The following TSPAN14 variants were observed in gnomAD, a reference collection of about 807,000 sequenced individuals.
TSPAN14 encodes the protein tetraspanin-14.
Under a neutral mutation model 36.6 loss-of-function variants are expected in TSPAN14, and 16 were observed. The ratio of observed to expected loss-of-function variants is 0.44; its 90% CI spans 0.30 to 0.66. The LOEUF (loss-of-function observed/expected upper bound fraction) is 0.66, where lower values mean the gene tolerates loss of function less well. Among genes scored for constraint, TSPAN14 ranks in the 30% least tolerant of loss-of-function variants. TSPAN14 has a pLI of 0.12. For missense variants in TSPAN14, 231 were observed against 355.1 expected (o/e 0.65, Z 2.81); for synonymous variants, 139 against 143.8 (o/e 0.97, Z 0.24).
At position 80,512,277 on chromosome 10, in the gene TSPAN14, G is replaced by C. The variant is rs747170175; in HGVS notation, c.576+8G>C. ...TGCGTGCCAGATCCTGCGGTGAGTT[G>C]GCTTGTGCTGGGGCACAGGGAGCCC... On this transcript the variant is annotated splice_region_variant and intron_variant, in intron 6 of 8. Transcript: ENST00000429989. 5 of 1,613,438 alleles carry C rather than the reference G, an allele frequency of 3.1e-6. No individual in the cohort carries two copies. The South Asian group carries it at 4.4e-5, about 14-fold the overall frequency.
At position 80,516,063 on chromosome 10, in the gene TSPAN14, C is replaced by G; in HGVS notation, c.622-141C>G. ...GGCTGAGAGGAGCTGACGAGCATCT[C>G]CTGGAGAGTCCTCCTTGCCTGCCTC... On this transcript the variant is annotated intron_variant, in intron 7 of 8. Coordinates refer to ENST00000429989, the Ensembl canonical transcript of TSPAN14. 4 of 1,305,106 alleles carry G rather than the reference C, an allele frequency of 3.1e-6. No homozygotes were observed. The Admixed American group carries it at 8.0e-5, about 26-fold the overall frequency. 80.8% of individuals were successfully genotyped at this position (1,305,106 alleles called of 1,614,324 possible).
intron 4 of TSPAN14, among the ~76,000 whole-genome samples, chr10:80,508,424 A>C (rs1045891399): frequency 1.3e-5 from 2 of 152,012 alleles, no homozygotes; most frequent in Admixed American, 6.5e-5. Flanking sequence ...GGCCGTGTGT[A>C]TGCTTTTTCT....
intron 2 of TSPAN14, among the ~76,000 whole-genome samples, chr10:80,493,750 G>A (rs1432324064): frequency 1.3e-5 from 2 of 152,220 alleles, no homozygotes; most frequent in Non-Finnish European, 1.5e-5. Context: ...CCCGGGAAGG[G>A]AAGATTGGGG....
At chr10:80,483,031 A>T (rs1210403100) in intron 1 of TSPAN14, among the ~76,000 whole-genome samples, 1 of 149,732 alleles carries the variant, frequency 6.7e-6, no homozygotes, top group Non-Finnish European at 1.5e-5. Context: ...CACTTTGCCC[A>T]GCCAGCCAGT....
At chr10:80,478,904 A>G (rs995692999) in intron 1 of TSPAN14, among the ~76,000 whole-genome samples, 16 of 152,134 alleles carry the variant, frequency 1.1e-4, no homozygotes, top group African/African-American at 3.4e-4. Context: ...TTACAGTCCC[A>G]CCAACAGTGT....
At chr10:80,513,945 T>A (rs1840792036) in intron 6 of TSPAN14, 74 bp from the exon 7 acceptor site, 2 of 1,325,776 alleles carry the variant, frequency 1.5e-6, no homozygotes, top group Non-Finnish European at 2.2e-6. Flanking sequence ...TGTTTGGTTG[T>A]GACTTTACTA....
exon 9 of TSPAN14, chr10:80,519,820 T>G (rs1841161115): frequency 6.6e-6 from 1 of 151,680 alleles, no homozygotes; most frequent in Non-Finnish European, 1.5e-5. Flanking sequence ...TTTTTTAAGA[T>G]TCTGTATGGC....
intron 1 of TSPAN14, among the ~76,000 whole-genome samples, chr10:80,471,200 C>T (rs534421579): frequency 2.6e-5 from 4 of 152,184 alleles, no homozygotes; most frequent in African/African-American, 7.2e-5. Context: ...GCCTCATTCT[C>T]GGTGTCTTAC....
intron 1 of TSPAN14, among the ~76,000 whole-genome samples, chr10:80,469,361 C>T (rs529833418): frequency 6.6e-6 from 1 of 152,214 alleles, no homozygotes; most frequent in Non-Finnish European, 1.5e-5. Flanking sequence ...AATAAATAGT[C>T]CAGAAGAGGG....
intron 1 of TSPAN14, among the ~76,000 whole-genome samples, chr10:80,486,531 C>T (rs538533972): frequency 3.0e-4 from 46 of 152,282 alleles, no homozygotes; most frequent in Non-Finnish European, 4.3e-4. Context: ...TTACTGCTTC[C>T]GGAGAGTTCT....
intron 1 of TSPAN14, among the ~76,000 whole-genome samples, chr10:80,464,570 C>A (rs1407235196): frequency 6.6e-6 from 1 of 152,168 alleles, no homozygotes; most frequent in Non-Finnish European, 1.5e-5. Flanking sequence ...CCTAAATAGA[C>A]CCTGACCTGG....
exon 9 of TSPAN14, chr10:80,521,744 A>G (rs1258291235): frequency 6.6e-6 from 1 of 152,128 alleles, no homozygotes; most frequent in African/African-American, 2.4e-5. Context: ...TAATACGGTG[A>G]AACCCCTTCT....
intron 2 of TSPAN14, among the ~76,000 whole-genome samples, chr10:80,492,447 A>G (rs1293890887): frequency 6.6e-6 from 1 of 152,194 alleles, no homozygotes; most frequent in African/African-American, 2.4e-5. Flanking sequence ...GCAGAAGGCA[A>G]CTTGTTGCTT....
chr10:80,465,720 C>G (rs996296454), intron 1 of TSPAN14, among the ~76,000 whole-genome samples: 14 of 152,248 alleles, frequency 9.2e-5, no homozygotes, highest in African/African-American at 3.4e-4. Context: ...GAAAAAGCCA[C>G]TCTCAGGCAC....
At chr10:80,460,716 G>A (rs1233164768) in intron 1 of TSPAN14, among the ~76,000 whole-genome samples, 1 of 152,074 alleles carries the variant, frequency 6.6e-6, no homozygotes. Flanking sequence ...CTTGCTCTTG[G>A]CCTGCTGGAT....
chr10:80,512,310 C>A (rs773550053), intron 6 of TSPAN14, 41 bp downstream of exon 6: 23 of 1,609,666 alleles, frequency 1.4e-5, no homozygotes, highest in Non-Finnish European at 1.8e-5. Flanking sequence ...CCCGCCCTTC[C>A]TGAAGCCCAG....
At chr10:80,489,449 A>C (rs777496846) in intron 2 of TSPAN14, 135 bp downstream of exon 2, 3 of 685,082 alleles carry the variant, frequency 4.4e-6, no homozygotes, top group Non-Finnish European at 7.7e-6. Context: ...AGTGACCCCT[A>C]CCCTCACAGA....
At chr10:80,507,482 T>TAGGGGAGG in intron 4 of TSPAN14, 108 bp downstream of exon 4, 2 of 1,481,744 alleles carry the variant, frequency 1.3e-6, no homozygotes, top group Non-Finnish European at 1.8e-6. Flanking sequence ...CTTAGGAGCC[T>TAGGGGAGG]CCCCTAGGCC....
At chr10:80,461,464 G>T (rs1845962769) in intron 1 of TSPAN14, among the ~76,000 whole-genome samples, 1 of 152,132 alleles carries the variant, frequency 6.6e-6, no homozygotes, top group African/African-American at 2.4e-5. Flanking sequence ...TACAAGTGAT[G>T]GTATAAACGT....
Sources: gnomAD v4.1 joint callset for allele counts (sites outside exome capture counted in the v4.1 genomes callset) on GRCh38, gnomAD v4.1.1 for gene constraint, MANE v1.5 for transcripts, NCBI Gene and HGNC (gene_info 2026-07-23, HGNC 2026-07-21) for gene names.